Variants in SHANK1 observed in about 807,000 individuals in gnomAD.
SHANK1 encodes the protein SH3 and multiple ankyrin repeat domains 1, also known as SH3 and multiple ankyrin repeat domains protein 1.
SHANK1 carries 35 observed loss-of-function variants against 165.6 expected under a neutral mutation model. The observed-to-expected ratio is 0.21, with a 90% CI of 0.16 to 0.28. The LOEUF (loss-of-function observed/expected upper bound fraction) is 0.28. Among genes scored for constraint, SHANK1 ranks in the 10% least tolerant of loss-of-function variants. The probability of loss-of-function intolerance (pLI) is 1.00; values close to 1 mark genes in which losing one functional copy is unlikely to be tolerated. For synonymous variants in SHANK1, 1,428 were observed against 1,384.8 expected (o/e 1.03, Z -0.69); for missense variants, 2,681 against 3,036.4 (o/e 0.88, Z 2.75).
chr19:50,685,719 G>A (rs996546824), intron 21 of SHANK1, among the ~76,000 whole-genome samples: 10 of 151,916 alleles, frequency 6.6e-5, no homozygotes, highest in African/African-American at 2.2e-4. Context: ...GTGAGACTCA[G>A]TCTCAAAATA....
intron 7 of SHANK1, 44 bp downstream of exon 7, chr19:50,711,903 C>G: frequency 6.2e-7 from 1 of 1,611,224 alleles, no homozygotes; most frequent in Non-Finnish European, 8.5e-7. Flanking sequence ...GCCTCAGGGA[C>G]TGGGTCCCCC....
intron 15 of SHANK1, among the ~76,000 whole-genome samples, chr19:50,691,510 C>CA (rs1458704627): frequency 4.6e-5 from 7 of 152,206 alleles, no homozygotes; most frequent in South Asian, 4.2e-4. Context: ...AAGCCTTCCC[C>CA]AAATGTCAGC....
chr19:50,700,030 GATT>G lies in SHANK1; in HGVS notation c.1748-2077_1748-2075del, dbSNP rs1345795901. Among the ~76,000 whole-genome samples the G allele has an allele frequency of 7.1e-4, 62 of 87,274 alleles. 6 individuals carry two copies. The highest frequency in any genetic ancestry group is 2.8e-3 in the African/African-American group (57 of 20,050). The allele number at this position is 87,274 out of a possible 152,430, so 57.3% of individuals were successfully genotyped here. ...GGTTGGAAGGCTCGGGGCATTGGAGGATTGGAGGGCTCGGGGCATTGGAGGGTT... is the reference window on the plus strand; with the variant it reads ...GGTTGGAAGGCTCGGGGCATTGGAGGGGAGGGCTCGGGGCATTGGAGGGTT... On this transcript the variant is annotated intron_variant, in intron 12 of 23. Transcript: ENST00000293441.
At position 50,667,618 on chromosome 19, in the gene SHANK1, G is replaced by C; in HGVS notation, c.4342C>G (p.Leu1448Val). 1 of 1,440,598 alleles carries C rather than the reference G, an allele frequency of 6.9e-7. No individual in the cohort carries two copies. Among genetic ancestry groups the C allele is most frequent in the Non-Finnish European group, 9.0e-7 (1 of 1,108,602 alleles). The allele number at this position is 1,440,598 out of a possible 1,614,324, so 89.2% of individuals were successfully genotyped here. ...PAARRSLLHR[L>V]PPTAPGVGPL... is the part of the protein sequence containing the mutation. The stretch of plus-strand genomic sequence containing the variant: ...CCCACCCCGGGAGCGGTGGGCGGCA[G>C]GCGGTGTAGCAGGGAACGCCGGGCG... The change falls in exon 23 of 24, where the codon CTG (leucine) becomes GTG (valine). Residue 1448 changes from leucine to valine, a missense_variant. This residue lies in a region of SHANK1 where 1,713 missense variants were observed against 1,630.2 expected (regional missense o/e 1.05). Coordinates refer to ENST00000293441, the MANE Select transcript of SHANK1 (RefSeq NM_016148.5). This position sits in a 1 kb window ranked among gnomAD's most constrained non-coding sequence, Gnocchi z 5.7.
chr19:50,686,598 G>T lies in SHANK1; in HGVS notation c.2458+146C>A. The T allele has an allele frequency of 1.3e-6, 1 of 784,670 alleles. No homozygotes were observed. Among genetic ancestry groups the T allele is most frequent in the Non-Finnish European group, 2.0e-6 (1 of 490,368 alleles). 48.6% of individuals were successfully genotyped at this position (784,670 alleles called of 1,614,324 possible). On this transcript the variant is annotated intron_variant, in intron 20 of 23. Transcript: ENST00000293441. This position sits in a 1 kb window ranked among gnomAD's most constrained non-coding sequence, Gnocchi z 5.7. ...AGGGAACGGGGCAGCCGTCGGGAGAGGGCGGGCGGAGGGAGGGGAGGTGGG... is the reference window on the plus strand; with the variant it reads ...AGGGAACGGGGCAGCCGTCGGGAGATGGCGGGCGGAGGGAGGGGAGGTGGG...
At position 50,662,023 on chromosome 19, in the gene SHANK1, G is replaced by A. The variant is rs1029454217; in HGVS notation, c.6428C>T (p.Thr2143Ile). The A allele has an allele frequency of 1.2e-6, 2 of 1,614,164 alleles. No individual in the cohort carries two copies. The highest frequency in any genetic ancestry group is 2.2e-5 in the South Asian group (2 of 91,082). ...TKEDYVDLGV[T>I]RVGHRMNIDR... ...GATGTTCATGCGGTGGCCCACCCTG[G>A]TCACACCTAGATCGACGTAGTCCTC... The change falls in exon 24 of 24, where the codon ACC becomes ATC. Residue 2143 changes from threonine to isoleucine, a missense_variant. Thr to Ile is a moderately conservative substitution (Grantham distance 89, BLOSUM62 -1). This residue lies in a region of SHANK1 where 49 missense variants were observed against 94.2 expected (regional missense o/e 0.52). Coordinates refer to ENST00000293441, the MANE Select transcript of SHANK1 (RefSeq NM_016148.5). The surrounding 1 kb of genome is among the most constrained non-coding windows in gnomAD (Gnocchi z 7.7).
In SHANK1 at chr19:50,716,731, G is replaced by GTC; in HGVS notation, c.188_189insGA (p.Val64ThrfsTer10). 1 of 1,607,612 alleles carries GTC rather than the reference G, an allele frequency of 6.2e-7. No individual in the cohort carries two copies. Among genetic ancestry groups the GTC allele is most frequent in the Non-Finnish European group, 8.5e-7 (1 of 1,176,920 alleles). Reference sequence around the variant, plus strand: ...TGCTGAAGTGGGCGTCGTCTGGGACGGACATTGAGCGGCCCTGGAGGCCTC... The same window carrying GTC: ...TGCTGAAGTGGGCGTCGTCTGGGACGTCGACATTGAGCGGCCCTGGAGGCCTC... On this transcript the variant is annotated frameshift_variant, in exon 2 of 24. Transcript: ENST00000293441. LOFTEE classifies it high-confidence loss of function. This position sits in a 1 kb window ranked among gnomAD's most constrained non-coding sequence, Gnocchi z 8.4.
At position 50,668,778 on chromosome 19, in the gene SHANK1, G is replaced by C. The variant is rs1985674528; in HGVS notation, c.3182C>G (p.Ala1061Gly). 1 of 1,271,384 alleles carries C rather than the reference G, an allele frequency of 7.9e-7. No homozygotes were observed. The highest frequency in any genetic ancestry group is 4.1e-5 in the Admixed American group (1 of 24,314). The allele number at this position is 1,271,384 out of a possible 1,614,324, so 78.8% of individuals were successfully genotyped here. A position where few individuals can be genotyped will look rare whatever the true frequency, so the allele number is the denominator to read the frequency against. ...RGGGPSPTPG[A>G]PSPSHHGSAG... ...GCTGCCGTGGTGCGATGGGGACGGG[G>C]CCCCCGGGGTCGGGCTGGGCCCGCC... The change falls in exon 23 of 24, where the codon GCC becomes GGC. Residue 1061 changes from alanine to glycine, a missense_variant. Ala to Gly is a moderately conservative substitution (Grantham distance 60, BLOSUM62 0). Coordinates refer to ENST00000293441, the MANE Select transcript of SHANK1 (RefSeq NM_016148.5).
intron 21 of SHANK1, among the ~76,000 whole-genome samples, chr19:50,673,308 C>G (rs1449989752): frequency 1.3e-5 from 2 of 152,078 alleles, no homozygotes; most frequent in Non-Finnish European, 2.9e-5. Flanking sequence ...GAAGCCCACA[C>G]GAAGACAGGT....
intron 6 of SHANK1, 63 bp from the exon 7 acceptor site, chr19:50,712,177 T>G: frequency 8.0e-6 from 12 of 1,502,800 alleles, no homozygotes; most frequent in Non-Finnish European, 9.9e-6. Context: ...AACCAGCTCA[T>G]TCTGAAGGGC....
Position 50,668,411 on chromosome 19 carries a change from G to C in SHANK1, c.3549C>G (p.Thr1183=). The C allele has an allele frequency of 7.5e-7, 1 of 1,325,434 alleles. No homozygotes were observed. 82.1% of individuals were successfully genotyped at this position (1,325,434 alleles called of 1,614,324 possible). ...CGCCGCCTCCCGTGGGCTCCGGCTG[G>C]GTGGGGGGCTCCGCCTCGGTGCTGC... ...QGSSTEAEPP[T]QPEPTGGGGG... The change falls in exon 23 of 24, where the codon ACC becomes ACG. Residue 1183 remains threonine (T), a synonymous_variant. Coordinates refer to ENST00000293441, the MANE Select transcript of SHANK1 (RefSeq NM_016148.5).
chr19:50,666,643 T>C lies in SHANK1; in HGVS notation c.5317A>G (p.Ser1773Gly). ...GTAACAGGGTCTCGGAGTCCCCCGC[T>C]GGGGCCAGGCCGCAGGCCTCCGCTG... ...GASGGLRPGP[S>G]GGLRDPVTPT... is the part of the protein sequence containing the mutation. The change falls in exon 23 of 24, where the codon AGC (serine) becomes GGC (glycine). Residue 1773 changes from serine (S) to glycine (G), a missense_variant. By Grantham distance (56) the Ser-to-Gly change is moderately conservative. This residue lies in a region of SHANK1 where 1,713 missense variants were observed against 1,630.2 expected (regional missense o/e 1.05). Transcript: ENST00000293441. 5 of 1,594,952 alleles carry C rather than the reference T, an allele frequency of 3.1e-6. No homozygotes were observed. The highest frequency in any genetic ancestry group is 1.1e-5 in the South Asian group (1 of 88,598).
intron 4 of SHANK1, among the ~76,000 whole-genome samples, chr19:50,715,042 A>G (rs2089054088): frequency 6.6e-6 from 1 of 151,942 alleles, no homozygotes; most frequent in African/African-American, 2.4e-5. Flanking sequence ...GAGAGGGTAG[A>G]CAAGGAGGGA....
chr19:50,714,621 G>A (rs947505226), intron 4 of SHANK1, among the ~76,000 whole-genome samples: 3 of 145,734 alleles, frequency 2.1e-5, no homozygotes, highest in Non-Finnish European at 4.4e-5. Flanking sequence ...TTTGAACCCT[G>A]AAAGGTTGAG....
At chr19:50,709,388 G>A (rs374985727) in intron 8 of SHANK1, among the ~76,000 whole-genome samples, 4 of 152,092 alleles carry the variant, frequency 2.6e-5, no homozygotes, top group East Asian at 1.9e-4. Flanking sequence ...TGATCCGCCC[G>A]CCTCGGCCTC....
In SHANK1 at chr19:50,703,593, C is replaced by A. The variant is rs374644226; in HGVS notation, c.1460G>T (p.Arg487Leu). The change falls in exon 11 of 24, where the codon CGA (arginine) becomes CTA (leucine). Residue 487 changes from arginine to leucine, a missense_variant. This residue lies in a region of SHANK1 where 195 missense variants were observed against 186.2 expected (regional missense o/e 1.05). Transcript: ENST00000293441. ...PTTKLSSGTL[R>L]SASSPRGARA... ...GGCACCCCGGGGGCTGCTGGCACTT[C>A]GGAGGGTCCCGCTGCTGAGCTTGGT... The A allele has an allele frequency of 6.4e-7, 1 of 1,558,402 alleles. No individual in the cohort carries two copies. Among genetic ancestry groups the A allele is most frequent in the Non-Finnish European group, 8.7e-7 (1 of 1,154,990 alleles).
intron 21 of SHANK1, among the ~76,000 whole-genome samples, chr19:50,685,255 A>G (rs1986296063): frequency 6.6e-6 from 1 of 152,194 alleles, no homozygotes; most frequent in African/African-American, 2.4e-5. Flanking sequence ...CCAGGAAGGG[A>G]GCAGCAGGCC....
In SHANK1 at chr19:50,670,787, GT is replaced by G. The variant is rs568070600; in HGVS notation, c.2674+1230del. Among the ~76,000 whole-genome samples the G allele has an allele frequency of 2.2e-4, 33 of 150,968 alleles. No individual in the cohort carries two copies. The East Asian group carries it at 2.3e-3, about 11-fold the overall frequency. Reference sequence around the variant, plus strand: ...ACGATTCCCCACTTCATCTCTAGGTGTTTTTTTTTCTTTTCTTTTTTTTTGA... The same window carrying G: ...ACGATTCCCCACTTCATCTCTAGGTGTTTTTTTTCTTTTCTTTTTTTTTGA... On this transcript the variant is annotated intron_variant, in intron 22 of 23. Coordinates refer to ENST00000293441, the MANE Select transcript of SHANK1 (RefSeq NM_016148.5). This position sits in a 1 kb window ranked among gnomAD's most constrained non-coding sequence, Gnocchi z 4.1.
At chr19:50,663,016 G>A (rs144062028) in intron 23 of SHANK1, 3 of 351,858 alleles carry the variant, frequency 8.5e-6, no homozygotes, top group Non-Finnish European at 1.6e-5. Flanking sequence ...TGCTTTACAT[G>A]ATTGCATCTC....
Sources: gnomAD v4.1 joint callset for allele counts (sites outside exome capture counted in the v4.1 genomes callset) on GRCh38, gnomAD v4.1.1 for gene constraint, gnomAD v4.1.1 regional missense constraint, Gnocchi (gnomAD v3.1) non-coding constraint, MANE v1.5 for transcripts, NCBI Gene and HGNC (gene_info 2026-07-23, HGNC 2026-07-21) for gene names.